The following ANK2 variants were observed in gnomAD, a reference collection of about 807,000 sequenced individuals.
The protein encoded by ANK2 is ankyrin-2.
A neutral mutation model predicts 360.5 loss-of-function variants in ANK2; 83 were observed. The ratio of observed to expected loss-of-function variants is 0.23; its 90% CI spans 0.19 to 0.28. ANK2 has a LOEUF of 0.28. ANK2 is among the 10% of genes least tolerant of loss of function. ANK2 has a pLI of 1.00. For synonymous variants in ANK2, 1,740 were observed against 1,759.5 expected (o/e 0.99, Z 0.28); for missense variants, 4,201 against 4,795.7 (o/e 0.88, Z 3.66).
chr4:113,159,677 C>T (rs528706677), intron 1 of ANK2, among the ~76,000 whole-genome samples: 1 of 151,722 alleles, frequency 6.6e-6, no homozygotes, highest in Admixed American at 6.6e-5. Flanking sequence ...GGCACGATCT[C>T]GGCTCACTGT....
intron 1 of ANK2, among the ~76,000 whole-genome samples, chr4:112,893,183 T>C (rs1396096241): frequency 6.6e-6 from 1 of 152,142 alleles, no homozygotes; most frequent in Non-Finnish European, 1.5e-5. Flanking sequence ...ATAAAGCATA[T>C]AAAGTATTTG....
At chr4:112,813,242 AAAAAAAAAAATC>A (rs2055430548), upstream of ANK2, among the ~76,000 whole-genome samples, 1 of 151,126 alleles carries the variant, frequency 6.6e-6, no homozygotes, top group Non-Finnish European at 1.5e-5. Flanking sequence ...TGTCTAAAAA[AAAAAAAAAAATC>A]AAAAAAAAAA....
chr4:113,274,456 A>G lies in ANK2; in HGVS notation c.1490A>G (p.Glu497Gly). The change falls in exon 15 of 46, where the codon GAA becomes GGA. Residue 497 changes from glutamate (E) to glycine (G), a missense_variant. Physicochemically the swap from Glu to Gly is moderately conservative, Grantham distance 98. Transcript: ENST00000357077. The stretch of plus-strand genomic sequence containing the variant: ...TTTACTTGGCTTGAGTTGTAGGAGG[A>G]ACAGACACCTTTACATATTGCCTCC... ...GALVDARAREEQTPLHIASRL... is the reference protein window; with the variant it reads ...GALVDARAREGQTPLHIASRL... The G allele has an allele frequency of 6.2e-7, 1 of 1,614,206 alleles. No individual in the cohort carries two copies. Among genetic ancestry groups the G allele is most frequent in the Non-Finnish European group, 8.5e-7 (1 of 1,180,032 alleles).
upstream of ANK2, among the ~76,000 whole-genome samples, chr4:113,048,272 ATATATTTTTTTTTTTTTTT>A (rs2065357684): frequency 2.1e-5 from 1 of 48,008 alleles, no homozygotes; most frequent in Non-Finnish European, 3.5e-5. Context: ...ATATATATAT[ATATATTTTTTTTTTTTTTT>A]TTTTTTTTTT....
chr4:113,333,304 G>A (rs1166485683), intron 29 of ANK2, 96 bp downstream of exon 29: 6 of 1,189,520 alleles, frequency 5.0e-6, no homozygotes, highest in South Asian at 3.9e-5. Flanking sequence ...GTATATGTGT[G>A]TGTGTGTGTG....
intron 2 of ANK2, among the ~76,000 whole-genome samples, chr4:113,027,616 C>T (rs1049548467): frequency 6.6e-6 from 1 of 152,024 alleles, no homozygotes; most frequent in South Asian, 2.1e-4. Flanking sequence ...AGCTCATGTC[C>T]CCAGGTGTCT....
At chr4:113,042,831 G>C (rs1041726148) in intron 2 of ANK2, among the ~76,000 whole-genome samples, 3 of 152,128 alleles carry the variant, frequency 2.0e-5, no homozygotes, top group Non-Finnish European at 4.4e-5. Flanking sequence ...TTACAGCTCA[G>C]ATCTTCTCAG....
In ANK2 at chr4:113,348,623, A is replaced by G. The variant is rs2095150630; in HGVS notation, c.4404+315A>G. Among the ~76,000 whole-genome samples, 6 of 152,152 alleles carry G rather than the reference A, an allele frequency of 3.9e-5. No individual in the cohort carries two copies. In the South Asian group the frequency reaches 1.2e-3, roughly 32 times the overall value. ...ATCTAGTGGTTGAAACTCTTTTTGT[A>G]CTAAGACATTATTAATGTCTTAATT... On this transcript the variant is annotated intron_variant, in intron 36 of 45. Coordinates refer to ENST00000357077, the MANE Select transcript of ANK2 (RefSeq NM_001148.6).
chr4:113,169,635 T>A (rs1028533321), intron 1 of ANK2, among the ~76,000 whole-genome samples: 1 of 152,154 alleles, frequency 6.6e-6, no homozygotes, highest in Non-Finnish European at 1.5e-5. Context: ...TTAAGGCTAG[T>A]AGGGACTGCT....
intron 43 of ANK2, among the ~76,000 whole-genome samples, chr4:113,372,827 G>A (rs2096787376): frequency 6.6e-6 from 1 of 152,164 alleles, no homozygotes; most frequent in African/African-American, 2.4e-5. Flanking sequence ...CCAAGCAAGA[G>A]CAAGACTTGG....
At chr4:113,150,830 G>C (rs2097045588) in intron 1 of ANK2, among the ~76,000 whole-genome samples, 1 of 152,154 alleles carries the variant, frequency 6.6e-6, no homozygotes, top group Non-Finnish European at 1.5e-5. Context: ...AGGCACATAG[G>C]CTAAGATTAT....
At chr4:113,091,734 C>A (rs2088290670) in intron 1 of ANK2, among the ~76,000 whole-genome samples, 1 of 152,292 alleles carries the variant, frequency 6.6e-6, no homozygotes, top group Admixed American at 6.5e-5. Context: ...ATTTGCAGAG[C>A]ATGAGGATTT....
intron 2 of ANK2, among the ~76,000 whole-genome samples, chr4:112,991,911 T>G (rs1341269241): frequency 6.6e-6 from 1 of 152,074 alleles, no homozygotes; most frequent in Non-Finnish European, 1.5e-5. Flanking sequence ...AATATGTTCC[T>G]CATTTCCATT....
At chr4:113,144,592 T>C (rs1056892956) in intron 1 of ANK2, among the ~76,000 whole-genome samples, 1 of 151,620 alleles carries the variant, frequency 6.6e-6, no homozygotes, top group Non-Finnish European at 1.5e-5. Flanking sequence ...ATATTTAATT[T>C]ATAGCATGTG....
chr4:113,259,260 G>A (rs1475416165), intron 13 of ANK2, among the ~76,000 whole-genome samples: 6 of 152,152 alleles, frequency 3.9e-5, no homozygotes, highest in African/African-American at 1.4e-4. Context: ...GTTCAAGAAG[G>A]TCTAGTAGAG....
intron 1 of ANK2, among the ~76,000 whole-genome samples, chr4:113,086,884 A>G (rs2085091169): frequency 6.6e-6 from 1 of 152,178 alleles, no homozygotes; most frequent in Admixed American, 6.5e-5. Context: ...AAGGGACACC[A>G]GTAAGTCTGG....
intron 2 of ANK2, among the ~76,000 whole-genome samples, chr4:113,007,175 A>T (rs1321880112): frequency 6.6e-6 from 1 of 152,226 alleles, no homozygotes. Flanking sequence ...ATAAAAATGG[A>T]TAAAATATGT....
chr4:113,143,132 G>A (rs2096700957), intron 1 of ANK2, among the ~76,000 whole-genome samples: 1 of 152,120 alleles, frequency 6.6e-6, no homozygotes, highest in Non-Finnish European at 1.5e-5. Flanking sequence ...TGCATATTTA[G>A]GTATGGGAGG....
At chr4:113,360,974 G>C in intron 39 of ANK2, 77 bp downstream of exon 39, 1 of 1,271,312 alleles carries the variant, frequency 7.9e-7, no homozygotes, top group Non-Finnish European at 1.1e-6. Flanking sequence ...CAGCATAAAA[G>C]GTACCCCCCA....
Sources: gnomAD v4.1 joint callset for allele counts (sites outside exome capture counted in the v4.1 genomes callset) on GRCh38, gnomAD v4.1.1 for gene constraint, MANE v1.5 for transcripts, NCBI Gene and HGNC (gene_info 2026-07-23, HGNC 2026-07-21) for gene names.